Variants in NPEPPS observed in about 807,000 individuals in gnomAD.
The protein encoded by NPEPPS is puromycin-sensitive aminopeptidase.
A neutral mutation model predicts 115.5 loss-of-function variants in NPEPPS; 14 were observed. The observed-to-expected ratio is 0.12, with a 90% CI of 0.08 to 0.19. The LOEUF is 0.19. Among genes scored for constraint, NPEPPS ranks in the 10% least tolerant of loss-of-function variants. The probability of loss-of-function intolerance (pLI) is 1.00; values close to 1 mark genes in which losing one functional copy is unlikely to be tolerated. For synonymous variants in NPEPPS, 285 were observed against 390.6 expected (o/e 0.73, Z 3.19); for missense variants, 523 against 1,110.8 (o/e 0.47, Z 7.52).
intron 1 of NPEPPS, among the ~76,000 whole-genome samples, chr17:47,543,254 A>C (rs1418113418): frequency 6.6e-6 from 1 of 152,070 alleles, no homozygotes; most frequent in Non-Finnish European, 1.5e-5. Context: ...ATGCGTAGTA[A>C]CCAATGTTAT....
chr17:47,598,615 C>T (rs1417062257), intron 13 of NPEPPS, among the ~76,000 whole-genome samples: 1 of 152,020 alleles, frequency 6.6e-6, no homozygotes, highest in South Asian at 2.1e-4. Flanking sequence ...AAAAACAAAC[C>T]CAAAACTATT....
chr17:47,550,342 T>C (rs1909553732), intron 2 of NPEPPS, among the ~76,000 whole-genome samples: 2 of 150,056 alleles, frequency 1.3e-5, no homozygotes, highest in Non-Finnish European at 3.0e-5. Flanking sequence ...TTTTTTTTTT[T>C]TTTGAGATGG....
At chr17:47,597,528 TACTTTTA>T (rs1418813340) in intron 13 of NPEPPS, among the ~76,000 whole-genome samples, 1 of 152,168 alleles carries the variant, frequency 6.6e-6, no homozygotes, top group African/African-American at 2.4e-5. Context: ...TTTTTATTAT[TACTTTTA>T]TATTTTAAAA....
chr17:47,561,060 A>G (rs1910391201), intron 2 of NPEPPS, among the ~76,000 whole-genome samples: 2 of 152,248 alleles, frequency 1.3e-5, no homozygotes, highest in African/African-American at 4.8e-5. Flanking sequence ...TGTAATGCCT[A>G]GGCAGAATCC....
In NPEPPS at chr17:47,563,711, T is replaced by C. The variant is rs5004903; in HGVS notation, c.341-5706T>C. Among the ~76,000 whole-genome samples the C allele has an allele frequency of 9.4e-5, 14 of 148,866 alleles. 1 individual carries two copies. The highest frequency in any genetic ancestry group is 3.5e-4 in the African/African-American group (14 of 40,554). On this transcript the variant is annotated intron_variant, in intron 2 of 22. Coordinates refer to ENST00000322157, the MANE Select transcript of NPEPPS (RefSeq NM_006310.4). ...TCAGCCTCCTGAGTAGCTGGGACTA[T>C]AGGCACGTGCCACCACACCCAGCTA... is the stretch of plus-strand genomic sequence containing the variant.
intron 3 of NPEPPS, among the ~76,000 whole-genome samples, chr17:47,571,345 T>A (rs925594529): frequency 3.2e-4 from 48 of 152,310 alleles, no homozygotes; most frequent in African/African-American, 1.1e-3. Flanking sequence ...AATATAAAAT[T>A]ATTTTTAGAA....
intron 13 of NPEPPS, among the ~76,000 whole-genome samples, chr17:47,598,087 TGACACTGCATATA>T (rs1233867098): frequency 6.6e-6 from 1 of 152,244 alleles, no homozygotes; most frequent in African/African-American, 2.4e-5. Flanking sequence ...AATTTGATGT[TGACACTGCATATA>T]GACTGACTCT....
intron 1 of NPEPPS, among the ~76,000 whole-genome samples, chr17:47,541,701 C>G (rs1908780859): frequency 6.6e-6 from 1 of 152,112 alleles, no homozygotes; most frequent in Admixed American, 6.6e-5. Flanking sequence ...AAGTCAACTT[C>G]TGAATAGGCA....
intron 5 of NPEPPS, 49 bp downstream of exon 5, chr17:47,582,898 G>A: frequency 3.3e-6 from 2 of 599,898 alleles, no homozygotes; most frequent in South Asian, 4.1e-5. Flanking sequence ...GGCTTTAGCA[G>A]ATTTAGTTTG....
At chr17:47,586,017 G>C in intron 6 of NPEPPS, 131 bp from the exon 7 acceptor site, 1 of 993,224 alleles carries the variant, frequency 1.0e-6, no homozygotes, top group Non-Finnish European at 1.4e-6. Flanking sequence ...AGTCTTCGGA[G>C]GGTAGGGCTC....
Position 47,531,384 on chromosome 17 carries a change from C to T in NPEPPS, c.84C>T (p.Val28=), listed in dbSNP as rs1276932093. The change falls in exon 1 of 23, where the codon GTC becomes GTT. Residue 28 remains valine, a synonymous_variant. Transcript: ENST00000322157. Reference sequence around the variant, plus strand: ...CGCCTCCTCCCCTCCTCCTTCTCGTCTTCAGCCGCTCCTCTCGCCGCCGCC... The same window carrying T: ...CGCCTCCTCCCCTCCTCCTTCTCGTTTTCAGCCGCTCCTCTCGCCGCCGCC... The part of the protein sequence containing the change: ...GPPPPPLLLL[V]FSRSSRRRLH... 1.2e-5 allele frequency: 19 copies of T among 1,544,136 alleles called. No individual in the cohort carries two copies. The highest frequency in any genetic ancestry group is 3.9e-5 in the Admixed American group (2 of 50,786).
In NPEPPS at chr17:47,613,652, T is replaced by C. The variant is rs1914013918; in HGVS notation, c.2239-17T>C. 1 of 1,595,256 alleles carries C rather than the reference T, an allele frequency of 6.3e-7. No homozygotes were observed. The highest frequency in any genetic ancestry group is 8.6e-7 in the Non-Finnish European group (1 of 1,164,788). On this transcript the variant is annotated splice_polypyrimidine_tract_variant and intron_variant, in intron 18 of 22. Transcript: ENST00000322157. ...AAGGTACATTTAATCAAATGACTTATTTTTTGTCCCTTGTAGGTCTATCTG... is the reference window on the plus strand; with the variant it reads ...AAGGTACATTTAATCAAATGACTTACTTTTTGTCCCTTGTAGGTCTATCTG...
intron 1 of NPEPPS, among the ~76,000 whole-genome samples, chr17:47,532,072 G>A (rs796964817): frequency 4.6e-5 from 7 of 152,250 alleles, no homozygotes; most frequent in African/African-American, 1.7e-4. Context: ...GGAGCGACGA[G>A]GGGAGCTTCT....
chr17:47,544,711 CTTTTTTTTTTT>C (rs938067387), intron 1 of NPEPPS, among the ~76,000 whole-genome samples: 6 of 114,240 alleles, frequency 5.3e-5, no homozygotes, highest in African/African-American at 2.0e-4. Flanking sequence ...TTTTTGTATT[CTTTTTTTTTTT>C]TTTTTTTTTG....
chr17:47,622,248 T>G lies in NPEPPS; in HGVS notation c.*328T>G. 3.2e-6 allele frequency: 1 copy of G among 313,368 alleles called. No homozygotes were observed. Among genetic ancestry groups the G allele is most frequent in the South Asian group, 1.1e-4 (1 of 8,754 alleles). 19.4% of individuals were successfully genotyped at this position (313,368 alleles called of 1,614,324 possible). ...ACTCTACTGTTAATGACAGATGTTC[T>G]GTTTTTATAACCTACCAAAAGGAAA... On this transcript the variant is annotated 3_prime_UTR_variant, in exon 23 of 23. Coordinates refer to ENST00000322157, the MANE Select transcript of NPEPPS (RefSeq NM_006310.4).
At chr17:47,569,042 T>C (rs901744934) in intron 2 of NPEPPS, among the ~76,000 whole-genome samples, 4 of 152,234 alleles carry the variant, frequency 2.6e-5, no homozygotes, top group Non-Finnish European at 5.9e-5. Context: ...CTTTCCTTGA[T>C]GTATCTTTAA....
intron 19 of NPEPPS, among the ~76,000 whole-genome samples, chr17:47,613,981 T>TA (rs199659417): frequency 0.022 from 3,274 of 146,642 alleles, 90 homozygotes; most frequent in East Asian, 0.16. Context: ...TTATTATTAT[T>TA]TTTTTTTTTT....
chr17:47,610,831 G>A (rs1913811311), intron 17 of NPEPPS, among the ~76,000 whole-genome samples: 1 of 144,396 alleles, frequency 6.9e-6, no homozygotes, highest in African/African-American at 2.6e-5. Context: ...AAATTGCTGA[G>A]TCATATGATG....
In NPEPPS at chr17:47,564,365, T is replaced by A. The variant is rs545235829; in HGVS notation, c.341-5052T>A. 8.6e-5 allele frequency among the ~76,000 whole-genome samples: 13 copies of A among 152,012 alleles called. No individual in the cohort carries two copies. The South Asian group carries it at 2.7e-3, about 32-fold the overall frequency. ...CCTGGACAACATAGTGAGACCCTTA[T>A]CTCAATTTTAAGAAGAAAGAATTAG... On this transcript the variant is annotated intron_variant, in intron 2 of 22. Coordinates refer to ENST00000322157, the MANE Select transcript of NPEPPS (RefSeq NM_006310.4).
Sources: allele counts gnomAD v4.1 joint callset (sites outside exome capture counted in the v4.1 genomes callset), GRCh38; gene constraint gnomAD v4.1.1; transcripts MANE v1.5; gene names NCBI Gene and HGNC (gene_info 2026-07-23, HGNC 2026-07-21).